Variants in PDSS2 observed in about 807,000 individuals in gnomAD.
PDSS2 encodes all trans-polyprenyl-diphosphate synthase PDSS2.
In PDSS2, 31 loss-of-function variants were observed where a neutral mutation model predicts 44.5. The ratio of observed to expected loss-of-function variants is 0.70; its 90% CI spans 0.52 to 0.94. The LOEUF (loss-of-function observed/expected upper bound fraction) is 0.94. Among genes scored for constraint, PDSS2 ranks in the 40% least tolerant of loss-of-function variants. The pLI is 0.00. For missense variants in PDSS2, 452 were observed against 482.2 expected (o/e 0.94, Z 0.59); for synonymous variants, 157 against 180.3 (o/e 0.87, Z 1.03).
chr6:107,197,176 T>C (rs1772591366), intron 6 of PDSS2, among the ~76,000 whole-genome samples: 1 of 148,564 alleles, frequency 6.7e-6, no homozygotes, highest in Admixed American at 6.8e-5. Flanking sequence ...AAGGAAGTGG[T>C]CGTGGGAGCC....
intron 7 of PDSS2, among the ~76,000 whole-genome samples, chr6:107,189,615 G>C (rs1772300609): frequency 6.6e-6 from 1 of 152,206 alleles, no homozygotes; most frequent in Non-Finnish European, 1.5e-5. Context: ...GCGATTACAG[G>C]TGTGAGCCAC....
At chr6:107,298,378 T>C (rs1776580197) in intron 2 of PDSS2, among the ~76,000 whole-genome samples, 1 of 152,174 alleles carries the variant, frequency 6.6e-6, no homozygotes, top group African/African-American at 2.4e-5. Flanking sequence ...TTACATAGCA[T>C]CTACATTTTA....
intron 2 of PDSS2, among the ~76,000 whole-genome samples, chr6:107,310,284 C>CAAA (rs58991885): frequency 3.3e-5 from 3 of 90,252 alleles, no homozygotes; most frequent in African/African-American, 9.0e-5. Flanking sequence ...GACTCCATCC[C>CAAA]AAAAAAAAAA....
At chr6:107,341,014 T>C (rs1219931312) in intron 1 of PDSS2, among the ~76,000 whole-genome samples, 3 of 152,140 alleles carry the variant, frequency 2.0e-5, no homozygotes, top group Non-Finnish European at 4.4e-5. Context: ...AAGGGAGAAA[T>C]GTAATTAGAG....
chr6:107,183,139 G>A (rs986961456), intron 7 of PDSS2, among the ~76,000 whole-genome samples: 3 of 151,796 alleles, frequency 2.0e-5, no homozygotes, highest in Non-Finnish European at 4.4e-5. Flanking sequence ...TTGAGCCCGG[G>A]AGGTCAATAC....
chr6:107,327,962 T>C (rs574921589), intron 2 of PDSS2, among the ~76,000 whole-genome samples: 2 of 152,372 alleles, frequency 1.3e-5, no homozygotes, highest in East Asian at 3.9e-4. Flanking sequence ...CTGTAAAACA[T>C]GTGTTTCAAA....
At chr6:107,240,733 A>C (rs1300918679) in intron 4 of PDSS2, among the ~76,000 whole-genome samples, 5 of 152,176 alleles carry the variant, frequency 3.3e-5, no homozygotes, top group Non-Finnish European at 7.3e-5. Context: ...ATTTAAAAAA[A>C]AAAAAGCAAT....
intron 1 of PDSS2, among the ~76,000 whole-genome samples, chr6:107,339,247 T>G (rs1778003335): frequency 6.6e-6 from 1 of 152,232 alleles, no homozygotes; most frequent in African/African-American, 2.4e-5. Flanking sequence ...TGGCCTCACT[T>G]TACTACATTT....
At chr6:107,273,172 C>CG (rs766537042) in intron 3 of PDSS2, among the ~76,000 whole-genome samples, 53 of 151,964 alleles carry the variant, frequency 3.5e-4, no homozygotes, top group Non-Finnish European at 5.3e-4. Flanking sequence ...TTAGTAGAGA[C>CG]GGGGTTTCAC....
chr6:107,370,256 C>T (rs1166097628), intron 1 of PDSS2, among the ~76,000 whole-genome samples: 1 of 152,208 alleles, frequency 6.6e-6, no homozygotes, highest in Non-Finnish European at 1.5e-5. Context: ...TTAGCACAAA[C>T]TACTCGCAAG....
chr6:107,440,476 A>G (rs992851276), intron 1 of PDSS2, among the ~76,000 whole-genome samples: 7 of 152,226 alleles, frequency 4.6e-5, no homozygotes, highest in African/African-American at 1.7e-4. Flanking sequence ...GCTAGGATCT[A>G]TTGCTATAGA....
At chr6:107,258,903 G>T (rs542899424) in intron 3 of PDSS2, among the ~76,000 whole-genome samples, 13 of 152,258 alleles carry the variant, frequency 8.5e-5, no homozygotes, top group African/African-American at 3.1e-4. Flanking sequence ...TAAATTCCAG[G>T]ATTGATAACT....
chr6:107,370,577 G>T (rs977230346), intron 1 of PDSS2, among the ~76,000 whole-genome samples: 1 of 152,168 alleles, frequency 6.6e-6, no homozygotes, highest in Non-Finnish European at 1.5e-5. Flanking sequence ...TAAGCATAAC[G>T]AGTGTATTTC....
chr6:107,274,669 T>C (rs60695730), intron 2 of PDSS2, among the ~76,000 whole-genome samples: 2,234 of 18,112 alleles, frequency 0.12, 52 homozygotes, highest in African/African-American at 0.19. Flanking sequence ...CTCTCTCTCT[T>C]TTTTTTTTTT....
intron 4 of PDSS2, among the ~76,000 whole-genome samples, chr6:107,240,301 C>T (rs529473123): frequency 2.0e-4 from 30 of 151,724 alleles, no homozygotes; most frequent in African/African-American, 3.1e-4. Context: ...CCCAGCTATT[C>T]GGAAGGCAAG....
chr6:107,251,831 T>C (rs1055784185), intron 3 of PDSS2, among the ~76,000 whole-genome samples: 2 of 152,192 alleles, frequency 1.3e-5, no homozygotes, highest in African/African-American at 4.8e-5. Context: ...CACTCTTTAC[T>C]TCATAAAAAT....
intron 2 of PDSS2, among the ~76,000 whole-genome samples, chr6:107,285,268 C>T (rs1216822162): frequency 1.3e-5 from 2 of 151,776 alleles, no homozygotes; most frequent in African/African-American, 4.8e-5. Context: ...TTGAAAATTA[C>T]AAAAAAACAA....
chr6:107,362,812 C>G (rs1320022376), intron 1 of PDSS2, among the ~76,000 whole-genome samples: 1 of 152,066 alleles, frequency 6.6e-6, no homozygotes, highest in East Asian at 1.9e-4. Context: ...AATACAGAGT[C>G]TCAGTAAAAA....
At chr6:107,318,368 G>C (rs971769640) in intron 2 of PDSS2, among the ~76,000 whole-genome samples, 5 of 152,102 alleles carry the variant, frequency 3.3e-5, no homozygotes, top group African/African-American at 9.7e-5. Flanking sequence ...CCCACCCAGA[G>C]GGCTGAGCTC....
Sources: allele counts gnomAD v4.1 joint callset (sites outside exome capture counted in the v4.1 genomes callset), GRCh38; gene constraint gnomAD v4.1.1; transcripts MANE v1.5; gene names NCBI Gene and HGNC (gene_info 2026-07-23, HGNC 2026-07-21).